The following GFM1 variants were observed in gnomAD, a reference collection of about 807,000 sequenced individuals.
The protein encoded by GFM1 is elongation factor G, mitochondrial.
GFM1 carries 62 observed loss-of-function variants against 96.2 expected under a neutral mutation model. That is an observed-to-expected ratio of 0.64 (90% CI 0.53 to 0.80). The LOEUF (loss-of-function observed/expected upper bound fraction) is 0.80, where lower values mean the gene tolerates loss of function less well. Among genes scored for constraint, GFM1 ranks in the 30% least tolerant of loss-of-function variants. The pLI, the probability that GFM1 is intolerant of heterozygous loss-of-function variation, is 0.00. For synonymous variants in GFM1, 282 were observed against 312.9 expected (o/e 0.90, Z 1.04); for missense variants, 852 against 916.6 (o/e 0.93, Z 0.91).
Position 158,665,397 on chromosome 3 carries a change from A to G in GFM1, c.1441A>G (p.Lys481Glu). 1.2e-6 allele frequency: 2 copies of G among 1,609,558 alleles called. No individual in the cohort carries two copies. Among genetic ancestry groups the G allele is most frequent in the Non-Finnish European group, 1.7e-6 (2 of 1,176,274 alleles). ...GRFTREDPTF[K>E]VYFDTENKET... is the part of the protein sequence containing the mutation. ...GTTTACAAGAGAAGATCCCACATTTAAAGTATACTTTGACACTGAGAACAA... is the reference window on the plus strand; with the variant it reads ...GTTTACAAGAGAAGATCCCACATTTGAAGTATACTTTGACACTGAGAACAA... Residue 481 changes from lysine (K) to glutamate (E), a missense_variant, in exon 12 of 18, where the codon AAA becomes GAA. Physicochemically the swap from Lys to Glu is moderately conservative, Grantham distance 56. Coordinates refer to ENST00000486715, the MANE Select transcript of GFM1 (RefSeq NM_024996.7).
rs1274583115 is a variant in GFM1, at chr3:158,646,883, C to G, written c.508C>G (p.Leu170Val). Reference protein sequence around the residue: ...RQMKRYNVPFLTFINKLDRMG... With the variant: ...RQMKRYNVPFVTFINKLDRMG... Reference sequence around the variant, plus strand: ...GATGAAGCGCTACAACGTTCCGTTTCTAACTTTTATTAACAAATTGGACCG... The same window carrying G: ...GATGAAGCGCTACAACGTTCCGTTTGTAACTTTTATTAACAAATTGGACCG... Residue 170 changes from leucine (L) to valine (V), a missense_variant, in exon 4 of 18, where the codon CTA becomes GTA. By Grantham distance (32) the Leu-to-Val change is conservative. Transcript: ENST00000486715. 1.2e-6 allele frequency: 2 copies of G among 1,614,086 alleles called. No homozygotes were observed. The highest frequency in any genetic ancestry group is 1.3e-5 in the African/African-American group (1 of 75,020).
chr3:158,670,271 C>T (rs1265346390), intron 13 of GFM1, among the ~76,000 whole-genome samples: 2 of 152,184 alleles, frequency 1.3e-5, no homozygotes, highest in African/African-American at 4.8e-5. Flanking sequence ...GAAAGATCTT[C>T]ATCTGAATGG....
chr3:158,661,441 A>G (rs1002604456), intron 10 of GFM1, among the ~76,000 whole-genome samples: 2 of 152,208 alleles, frequency 1.3e-5, no homozygotes, highest in Admixed American at 1.3e-4. Flanking sequence ...TAACATTTAG[A>G]CTAGACTTGG....
chr3:158,658,819 A>C, intron 8 of GFM1, 103 bp from the exon 9 acceptor site: 1 of 1,232,366 alleles, frequency 8.1e-7, no homozygotes, highest in Non-Finnish European at 1.2e-6. Flanking sequence ...AGATTACTAA[A>C]ATTGGTAGAG....
At chr3:158,651,998 C>A in intron 5 of GFM1, 98 bp from the exon 6 acceptor site, 1 of 1,035,924 alleles carries the variant, frequency 9.7e-7, no homozygotes, top group Non-Finnish European at 1.5e-6. Context: ...CTCTTTGTTA[C>A]CTAAAAAAAT....
At chr3:158,670,188 CTTTCT>C (rs1236264743) in intron 13 of GFM1, among the ~76,000 whole-genome samples, 11 of 152,176 alleles carry the variant, frequency 7.2e-5, no homozygotes, top group Admixed American at 2.6e-4. Context: ...ATTGCAGTTC[CTTTCT>C]TTTAAGTTTG....
rs1726180701 is a variant in GFM1, at chr3:158,690,100, A to G, written c.1910-63A>G. 2.9e-6 allele frequency: 4 copies of G among 1,402,100 alleles called. No homozygotes were observed. The Admixed American group carries it at 6.8e-5, about 24-fold the overall frequency. 86.9% of individuals were successfully genotyped at this position (1,402,100 alleles called of 1,614,324 possible). A position where few individuals can be genotyped will look rare whatever the true frequency, so the allele number is the denominator to read the frequency against. ...AGCATCATTTTTCTCCCTTTTTTAT[A>G]TCTGGACAGAAGAGTTGTAGTTTGT... is the stretch of plus-strand genomic sequence containing the variant. On this transcript the variant is annotated intron_variant, in intron 15 of 17. Coordinates refer to ENST00000486715, the MANE Select transcript of GFM1 (RefSeq NM_024996.7).
At chr3:158,673,508 C>CTTTTTTTTTTTTTTTTTTT (rs766011688) in intron 13 of GFM1, among the ~76,000 whole-genome samples, 17 of 114,246 alleles carry the variant, frequency 1.5e-4, no homozygotes, top group Non-Finnish European at 2.1e-4. Flanking sequence ...CTTTTCTTTT[C>CTTTTTTTTTTTTTTTTTTT]TTTTTTTTTT....
intron 5 of GFM1, 73 bp from the exon 6 acceptor site, chr3:158,652,023 T>C (rs1410651942): frequency 1.1e-5 from 14 of 1,283,338 alleles, no homozygotes; most frequent in Non-Finnish European, 1.4e-5. Context: ...TAACCATTAA[T>C]CATATATTTT....
At chr3:158,683,239 A>G (rs980267441) in intron 14 of GFM1, among the ~76,000 whole-genome samples, 1 of 152,210 alleles carries the variant, frequency 6.6e-6, no homozygotes, top group Non-Finnish European at 1.5e-5. Flanking sequence ...ATCCACTAAG[A>G]TTAATGTAGA....
intron 12 of GFM1, 115 bp downstream of exon 12, chr3:158,665,589 C>G: frequency 1.1e-6 from 1 of 878,022 alleles, no homozygotes; most frequent in South Asian, 1.4e-5. Flanking sequence ...ATGCGTCACT[C>G]TGGTTTGTAT....
chr3:158,656,762 A>C (rs1396027441), intron 8 of GFM1: 1 of 152,158 alleles, frequency 6.6e-6, no homozygotes, highest in East Asian at 1.9e-4. Flanking sequence ...TGTATTTTGA[A>C]CTTTGAGTTA....
chr3:158,684,557 TCTGGTC>T lies in GFM1; in HGVS notation c.1799_1804del (p.Ser600_His602delinsTyr). Reference sequence around the variant, plus strand: ...AGATGCCTGCGAGAAGGGCCCTCTTTCTGGTCACAAGCTCTCTGGGCTCCGGTTTGT... The same window carrying T: ...AGATGCCTGCGAGAAGGGCCCTCTTTACAAGCTCTCTGGGCTCCGGTTTGT... On this transcript the variant is annotated inframe_deletion, in exon 15 of 18. Transcript: ENST00000486715. The T allele has an allele frequency of 6.2e-7, 1 of 1,614,134 alleles. No individual in the cohort carries two copies. The highest frequency in any genetic ancestry group is 1.1e-5 in the South Asian group (1 of 91,080).
chr3:158,651,786 C>T (rs1006595418), intron 5 of GFM1, among the ~76,000 whole-genome samples: 2 of 151,820 alleles, frequency 1.3e-5, no homozygotes, highest in East Asian at 3.9e-4. Flanking sequence ...ACTTGATATG[C>T]AGAAAAGTAG....
At chr3:158,648,954 C>A in intron 4 of GFM1, 87 bp from the exon 5 acceptor site, 1 of 751,996 alleles carries the variant, frequency 1.3e-6, no homozygotes, top group South Asian at 1.4e-5. Flanking sequence ...CAGTGTCTGC[C>A]ACTGATTTTT....
intron 13 of GFM1, chr3:158,666,897 C>G (rs975676268): frequency 6.8e-7 from 1 of 1,479,814 alleles, no homozygotes; most frequent in Admixed American, 2.4e-5. Context: ...AATCTGGTGC[C>G]TATCTGGATT....
intron 13 of GFM1, among the ~76,000 whole-genome samples, chr3:158,675,153 G>A (rs182730199): frequency 5.3e-5 from 8 of 151,608 alleles, no homozygotes; most frequent in Admixed American, 1.3e-4. Flanking sequence ...CGGGCGTGGC[G>A]GCGGGCGCCT....
chr3:158,687,574 TCTC>T (rs1334790574), intron 15 of GFM1, among the ~76,000 whole-genome samples: 2 of 151,786 alleles, frequency 1.3e-5, no homozygotes, highest in African/African-American at 4.8e-5. Flanking sequence ...TTCAAGCAAT[TCTC>T]CTGCCTCAGC....
intron 6 of GFM1, among the ~76,000 whole-genome samples, chr3:158,652,546 TG>T (rs1175474331): frequency 3.3e-5 from 5 of 152,118 alleles, no homozygotes; most frequent in African/African-American, 1.2e-4. Context: ...ATTTGTTGGT[TG>T]TGGCCACAGC....
Sources: allele counts gnomAD v4.1 joint callset (sites outside exome capture counted in the v4.1 genomes callset), GRCh38; gene constraint gnomAD v4.1.1; transcripts MANE v1.5; gene names NCBI Gene and HGNC (gene_info 2026-07-23, HGNC 2026-07-21).